The following MYO3B variants were observed in gnomAD, a reference collection of about 807,000 sequenced individuals.
MYO3B encodes myosin-IIIb.
MYO3B carries 156 observed loss-of-function variants against 174.6 expected under a neutral mutation model. That is an observed-to-expected ratio of 0.89 (90% CI 0.78 to 1.02). The LOEUF is 1.02. Among genes scored for constraint, MYO3B ranks in the 50% least tolerant of loss-of-function variants. The pLI is 0.00. For synonymous variants in MYO3B, 563 were observed against 569.1 expected (o/e 0.99, Z 0.15); for missense variants, 1,632 against 1,639.4 (o/e 1.00, Z 0.08).
chr2:170,417,158 A>G (rs1489335531), intron 22 of MYO3B, among the ~76,000 whole-genome samples: 3 of 152,100 alleles, frequency 2.0e-5, no homozygotes, highest in Non-Finnish European at 4.4e-5. Context: ...TTTAAGCTCA[A>G]ATGTCACCTC....
At position 170,178,174 on chromosome 2, in the gene MYO3B, G is replaced by A; in HGVS notation, c.-114G>A. On this transcript the variant is annotated 5_prime_UTR_variant, in exon 1 of 35. Transcript: ENST00000408978. Reference sequence around the variant, plus strand: ...ATCGAAAGTCCTTTGGTAATGATGTGTCATACATTCTAGTCATCAAAGACA... The same window carrying A: ...ATCGAAAGTCCTTTGGTAATGATGTATCATACATTCTAGTCATCAAAGACA... 1 of 1,285,750 alleles carries A rather than the reference G, an allele frequency of 7.8e-7. No individual in the cohort carries two copies. The highest frequency in any genetic ancestry group is 1.2e-5 in the South Asian group (1 of 84,292). The allele number at this position is 1,285,750 out of a possible 1,614,324, so 79.6% of individuals were successfully genotyped here.
At chr2:170,330,860 G>A (rs544442613) in intron 7 of MYO3B, among the ~76,000 whole-genome samples, 12 of 115,090 alleles carry the variant, frequency 1.0e-4, no homozygotes, top group African/African-American at 5.3e-4. Flanking sequence ...GCTGATTTCC[G>A]AAAGAGCTGT....
chr2:170,218,177 G>C (rs2092851434), intron 6 of MYO3B, among the ~76,000 whole-genome samples: 2 of 152,080 alleles, frequency 1.3e-5, no homozygotes, highest in African/African-American at 2.4e-5. Context: ...CAAAGTAAGT[G>C]GTTCACACTA....
intron 25 of MYO3B, among the ~76,000 whole-genome samples, chr2:170,469,831 G>A (rs530498180): frequency 1.1e-4 from 17 of 152,110 alleles, no homozygotes; most frequent in Non-Finnish European, 1.5e-4. Flanking sequence ...AGCCGGGCAC[G>A]GTGGCTCACA....
At chr2:170,313,295 T>C (rs1012401116) in intron 7 of MYO3B, among the ~76,000 whole-genome samples, 2 of 152,238 alleles carry the variant, frequency 1.3e-5, no homozygotes. Context: ...ATATGGATTA[T>C]GTGAGGCATG....
intron 25 of MYO3B, among the ~76,000 whole-genome samples, chr2:170,494,879 A>C (rs1234104416): frequency 6.6e-6 from 1 of 152,202 alleles, no homozygotes; most frequent in African/African-American, 2.4e-5. Context: ...CAGAGCCTTG[A>C]GCCCCATGTC....
chr2:170,187,314 C>A lies in MYO3B; in HGVS notation c.2+9025C>A, dbSNP rs564672682. On this transcript the variant is annotated intron_variant, in intron 1 of 34. Coordinates refer to ENST00000408978, the MANE Select transcript of MYO3B (RefSeq NM_138995.5). Reference sequence around the variant, plus strand: ...GTGACACAGTCTTGGCTCACTGTAACCTCTGCCTCCTGGGTTCAAGTGATT... The same window carrying A: ...GTGACACAGTCTTGGCTCACTGTAAACTCTGCCTCCTGGGTTCAAGTGATT... 2.6e-5 allele frequency among the ~76,000 whole-genome samples: 4 copies of A among 152,122 alleles called. 1 individual carries two copies. In the South Asian group the frequency reaches 8.3e-4, roughly 32 times the overall value.
intron 32 of MYO3B, among the ~76,000 whole-genome samples, chr2:170,571,617 C>T (rs1207316697): frequency 2.6e-5 from 4 of 152,008 alleles, no homozygotes; most frequent in African/African-American, 9.7e-5. Context: ...TAGGATAGTA[C>T]AAAACTAGAG....
chr2:170,282,301 T>A (rs901585807), intron 7 of MYO3B, among the ~76,000 whole-genome samples: 3 of 152,192 alleles, frequency 2.0e-5, no homozygotes, highest in South Asian at 4.1e-4. Context: ...GATAGGGTTC[T>A]AGTTTCGTTC....
intron 22 of MYO3B, among the ~76,000 whole-genome samples, chr2:170,423,510 C>T (rs1324797572): frequency 6.6e-6 from 1 of 151,456 alleles, no homozygotes; most frequent in South Asian, 2.1e-4. Flanking sequence ...TTCTTGTGTA[C>T]AGACTTGACT....
At chr2:170,556,793 A>G (rs906832514) in intron 32 of MYO3B, among the ~76,000 whole-genome samples, 1 of 152,158 alleles carries the variant, frequency 6.6e-6, no homozygotes, top group Non-Finnish European at 1.5e-5. Flanking sequence ...AAGTGCTGGG[A>G]TTACAGGCGT....
chr2:170,185,274 C>T (rs2092448425), intron 1 of MYO3B, among the ~76,000 whole-genome samples: 1 of 152,134 alleles, frequency 6.6e-6, no homozygotes, highest in South Asian at 2.1e-4. Flanking sequence ...GAGAGTTTCT[C>T]CATTGTTTTC....
intron 30 of MYO3B, among the ~76,000 whole-genome samples, chr2:170,535,005 A>G (rs1689594738): frequency 6.6e-6 from 1 of 152,154 alleles, no homozygotes; most frequent in South Asian, 2.1e-4. Flanking sequence ...TAGCCACTCA[A>G]TCTAAAATTG....
At chr2:170,287,612 CTT>C (rs1330267292) in intron 7 of MYO3B, among the ~76,000 whole-genome samples, 1 of 151,664 alleles carries the variant, frequency 6.6e-6, no homozygotes, top group African/African-American at 2.4e-5. Flanking sequence ...GTTTGAGCTC[CTT>C]ATATATTCTG....
intron 5 of MYO3B, among the ~76,000 whole-genome samples, chr2:170,216,376 G>A (rs73027110): frequency 6.6e-6 from 1 of 152,170 alleles, no homozygotes; most frequent in Non-Finnish European, 1.5e-5. Context: ...GTCTTAAGAA[G>A]AACCCTCCGT....
At chr2:170,547,128 G>A (rs1690549470) in intron 32 of MYO3B, among the ~76,000 whole-genome samples, 1 of 149,012 alleles carries the variant, frequency 6.7e-6, no homozygotes, top group African/African-American at 2.5e-5. Context: ...GACCATCCTG[G>A]CTAACACAGT....
At position 170,594,946 on chromosome 2, in the gene MYO3B, T is replaced by C. The variant is rs1274491451; in HGVS notation, c.3733+50958T>C. 2.6e-5 allele frequency among the ~76,000 whole-genome samples: 4 copies of C among 152,044 alleles called. No homozygotes were observed. In the East Asian group the frequency reaches 7.7e-4, roughly 29 times the overall value. On this transcript the variant is annotated intron_variant, in intron 32 of 34. Transcript: ENST00000408978. ...TCATTAAATCCTCATTGGCTGCTCT[T>C]GACCCAGCTGAATTTGTGGTGTGAA... is the stretch of plus-strand genomic sequence containing the variant.
chr2:170,521,646 T>C (rs1688674776), intron 30 of MYO3B, among the ~76,000 whole-genome samples: 1 of 152,162 alleles, frequency 6.6e-6, no homozygotes, highest in Non-Finnish European at 1.5e-5. Flanking sequence ...CCTACCACTA[T>C]CAGGTAGCAC....
chr2:170,258,098 A>G (rs1456278144), intron 7 of MYO3B, among the ~76,000 whole-genome samples: 1 of 152,122 alleles, frequency 6.6e-6, no homozygotes, highest in Non-Finnish European at 1.5e-5. Context: ...CTGGCAACCT[A>G]AAAAGCTATG....
Sources: gnomAD v4.1 joint callset for allele counts (sites outside exome capture counted in the v4.1 genomes callset) on GRCh38, gnomAD v4.1.1 for gene constraint, MANE v1.5 for transcripts, NCBI Gene and HGNC (gene_info 2026-07-23, HGNC 2026-07-21) for gene names.